PTK2: variants seen among roughly 807,000 people sequenced by gnomAD.
PTK2 encodes the protein focal adhesion kinase 1.
Under a neutral mutation model 150.1 loss-of-function variants are expected in PTK2, and 45 were observed. That is an observed-to-expected ratio of 0.30 (90% CI 0.24 to 0.38). The LOEUF is 0.38. Among genes scored for constraint, PTK2 ranks in the 10% least tolerant of loss-of-function variants. The pLI is 1.00. For missense variants in PTK2, 919 were observed against 1,307.3 expected, an observed-to-expected ratio of 0.70 and a Z score of 4.58; for synonymous variants, 432 against 449.2, an observed-to-expected ratio of 0.96 and a Z score of 0.48.
intron 5 of PTK2, among the ~76,000 whole-genome samples, chr8:140,851,858 CAA>C (rs34116543): frequency 0.51 from 69,667 of 137,824 alleles, 17,242 homozygotes; most frequent in Admixed American, 0.59. Context: ...GACTTTATCT[CAA>C]AAAAAAAAAA....
At chr8:140,901,189 G>A (rs1205495468) in intron 2 of PTK2, among the ~76,000 whole-genome samples, 4 of 151,964 alleles carry the variant, frequency 2.6e-5, no homozygotes, top group Non-Finnish European at 5.9e-5. Context: ...ACCTGGTGCC[G>A]AGAAAACTGG....
intron 2 of PTK2, among the ~76,000 whole-genome samples, chr8:140,896,810 C>T (rs899554352): frequency 1.2e-5 from 1 of 84,724 alleles, no homozygotes; most frequent in Non-Finnish European, 2.5e-5. Context: ...GTGGGTAAAA[C>T]ATAAACATTG....
At chr8:140,831,525 A>G (rs1376106091) in intron 7 of PTK2, among the ~76,000 whole-genome samples, 2 of 152,242 alleles carry the variant, frequency 1.3e-5, no homozygotes, top group Non-Finnish European at 2.9e-5. Flanking sequence ...TTTGGTTGAT[A>G]CTATATTCAA....
chr8:140,665,997 T>C (rs2091025038), intron 30 of PTK2, among the ~76,000 whole-genome samples: 1 of 152,250 alleles, frequency 6.6e-6, no homozygotes, highest in African/African-American at 2.4e-5. Context: ...TCCACATTGA[T>C]GGTTTATAAG....
intron 29 of PTK2, among the ~76,000 whole-genome samples, chr8:140,672,948 G>C (rs2100011492): frequency 6.6e-6 from 1 of 152,184 alleles, no homozygotes. Flanking sequence ...GTCCTGTGAG[G>C]TTCACATGAG....
intron 14 of PTK2, among the ~76,000 whole-genome samples, chr8:140,780,699 C>A (rs188420434): frequency 2.6e-5 from 4 of 152,128 alleles, no homozygotes; most frequent in Non-Finnish European, 5.9e-5. Flanking sequence ...GAAAATGGGA[C>A]AATCAGGGAT....
At chr8:140,804,055 T>C (rs2100096846) in intron 10 of PTK2, among the ~76,000 whole-genome samples, 1 of 152,198 alleles carries the variant, frequency 6.6e-6, no homozygotes, top group South Asian at 2.1e-4. Context: ...AGAGGGGATC[T>C]GGGATTAATC....
intron 10 of PTK2, among the ~76,000 whole-genome samples, chr8:140,810,671 T>C (rs1044223353): frequency 4.6e-5 from 7 of 152,280 alleles, no homozygotes; most frequent in Admixed American, 2.6e-4. Context: ...CCAGTGCACA[T>C]GTGCACGCAA....
chr8:140,728,816 C>G (rs140578239), intron 22 of PTK2, among the ~76,000 whole-genome samples: 1 of 152,270 alleles, frequency 6.6e-6, no homozygotes, highest in African/African-American at 2.4e-5. Flanking sequence ...CCACTGCACC[C>G]GGCCAGATTA....
chr8:140,854,618 T>C (rs2100131392), intron 5 of PTK2, among the ~76,000 whole-genome samples: 1 of 152,202 alleles, frequency 6.6e-6, no homozygotes, highest in Non-Finnish European at 1.5e-5. Flanking sequence ...AAGATTCTAA[T>C]TTATTTTTAG....
At chr8:140,825,615 G>C (rs566761570) in intron 8 of PTK2, among the ~76,000 whole-genome samples, 126 of 152,332 alleles carry the variant, frequency 8.3e-4, no homozygotes, top group African/African-American at 2.2e-3. Context: ...TGTAATGCCA[G>C]TATGGGGAGC....
At position 140,936,299 on chromosome 8, in the gene PTK2, G is replaced by A. The variant is rs532517835; in HGVS notation, c.-121-10550C>T. On this transcript the variant is annotated intron_variant, in intron 1 of 31. Transcript: ENST00000522684. ...TTACACATCTACATCACCTAAAGAG[G>A]TCAAGAGAAGACAAACATGTACTGT... Among the ~76,000 whole-genome samples, 11 of 152,220 alleles carry A rather than the reference G, an allele frequency of 7.2e-5. No individual in the cohort carries two copies. The South Asian group carries it at 2.3e-3, about 32-fold the overall frequency.
intron 27 of PTK2, among the ~76,000 whole-genome samples, chr8:140,683,492 A>T (rs986721996): frequency 2.6e-5 from 4 of 152,204 alleles, no homozygotes; most frequent in African/African-American, 9.7e-5. Context: ...CTCCTCTCTA[A>T]CTCATTCTAT....
chr8:140,979,557 A>G (rs1300654257), intron 1 of PTK2, among the ~76,000 whole-genome samples: 1 of 152,228 alleles, frequency 6.6e-6, no homozygotes, highest in Non-Finnish European at 1.5e-5. Context: ...GACAAAACTG[A>G]AAAAGTCAGA....
At chr8:140,983,342 A>AC (rs2100192146) in intron 1 of PTK2, among the ~76,000 whole-genome samples, 1 of 142,244 alleles carries the variant, frequency 7.0e-6, no homozygotes, top group Admixed American at 7.6e-5. Context: ...AGCCAAGATC[A>AC]TGCACTTCAG....
chr8:140,839,946 T>A (rs1340474337), intron 7 of PTK2, among the ~76,000 whole-genome samples: 2 of 152,152 alleles, frequency 1.3e-5, no homozygotes, highest in African/African-American at 2.4e-5. Context: ...TAAAGAAATG[T>A]CAACAGACAT....
At chr8:140,748,530 G>C (rs989639626) in intron 17 of PTK2, among the ~76,000 whole-genome samples, 2 of 150,972 alleles carry the variant, frequency 1.3e-5, no homozygotes, top group African/African-American at 4.9e-5. Context: ...TTCCAGGACA[G>C]CCGTGAGGAC....
intron 27 of PTK2, among the ~76,000 whole-genome samples, chr8:140,682,007 A>T (rs1342434173): frequency 6.6e-6 from 1 of 152,242 alleles, no homozygotes; most frequent in Admixed American, 6.5e-5. Context: ...AATTGGAATA[A>T]TCATAAGCTA....
intron 8 of PTK2, among the ~76,000 whole-genome samples, chr8:140,819,536 T>C (rs140086940): frequency 9.8e-5 from 15 of 152,358 alleles, no homozygotes; most frequent in African/African-American, 2.6e-4. Flanking sequence ...TTTACAGTAA[T>C]AGAGAGCCTG....
Sources: allele counts gnomAD v4.1 joint callset (sites outside exome capture counted in the v4.1 genomes callset), GRCh38; gene constraint gnomAD v4.1.1; transcripts MANE v1.5; gene names NCBI Gene and HGNC (gene_info 2026-07-23, HGNC 2026-07-21).